WDR81: variants seen among roughly 807,000 people sequenced by gnomAD.
WDR81 encodes the protein WD repeat domain 81.
WDR81 carries 92 observed loss-of-function variants against 140.8 expected under a neutral mutation model. The observed-to-expected ratio is 0.65, with a 90% CI of 0.55 to 0.78. The LOEUF (loss-of-function observed/expected upper bound fraction) is 0.78. Among genes scored for constraint, WDR81 ranks in the 30% least tolerant of loss-of-function variants. The pLI is 0.00. For missense variants in WDR81, 2,502 were observed against 2,636.4 expected, an observed-to-expected ratio of 0.95 and a Z score of 1.12; for synonymous variants, 1,183 against 1,156.4, an observed-to-expected ratio of 1.02 and a Z score of -0.47.
chr17:1,737,313 G>A (rs1904954889), intron 9 of WDR81, 52 bp from the exon 10 acceptor site: 1 of 1,528,678 alleles, frequency 6.5e-7, no homozygotes, highest in African/African-American at 1.4e-5. Flanking sequence ...TGGGGCCCAA[G>A]GGTATGCAGA....
At chr17:1,731,008 C>T (rs1904313887) in intron 3 of WDR81, 60 bp from the exon 4 acceptor site, 1 of 1,604,102 alleles carries the variant, frequency 6.2e-7, no homozygotes, top group Non-Finnish European at 8.5e-7. Flanking sequence ...CCGGCCCGGG[C>T]TCTCTTGGTG....
chr17:1,737,531 T>C lies in WDR81; in HGVS notation c.5672T>C (p.Ile1891Thr). ...GTCACTGGCACCGTGTCCAACAAGATTGGCGTCTGCTCCCTGCTTGAGCCA... is the reference window on the plus strand; with the variant it reads ...GTCACTGGCACCGTGTCCAACAAGACTGGCGTCTGCTCCCTGCTTGAGCCA... The part of the protein sequence containing the change: ...EVVTGTVSNK[I>T]GVCSLLEPPS... Residue 1891 changes from isoleucine to threonine, a missense_variant, in exon 10 of 10, where the codon ATT (isoleucine) becomes ACT (threonine). Ile to Thr is a moderately conservative substitution (Grantham distance 89). Transcript: ENST00000409644. 2 of 1,613,098 alleles carry C rather than the reference T, an allele frequency of 1.2e-6. No individual in the cohort carries two copies. Among genetic ancestry groups the C allele is most frequent in the Non-Finnish European group, 1.7e-6 (2 of 1,179,992 alleles).
chr17:1,727,320 G>A lies in WDR81; in HGVS notation c.2361G>A (p.Val787=), dbSNP rs1204534211. 6 of 1,549,838 alleles carry A rather than the reference G, an allele frequency of 3.9e-6. No homozygotes were observed. The highest frequency in any genetic ancestry group is 5.2e-6 in the Non-Finnish European group (6 of 1,146,998). Residue 787 remains valine (V), a synonymous_variant, in exon 1 of 10, where the codon GTG becomes GTA. Transcript: ENST00000409644. ...CAGAGATGGTGTTTGCCACCAGGGTGCGGACGCTGCAGCCCGATGCACCTT... is the reference window on the plus strand; with the variant it reads ...CAGAGATGGTGTTTGCCACCAGGGTACGGACGCTGCAGCCCGATGCACCTT... ...LLAEMVFATR[V]RTLQPDAPLW...
chr17:1,722,471 C>A (rs1270456383), upstream of WDR81, among the ~76,000 whole-genome samples: 1 of 148,280 alleles, frequency 6.7e-6, no homozygotes, highest in Non-Finnish European at 1.5e-5. Context: ...CTCAGCCTCC[C>A]AAGTAGCTGG....
At position 1,732,347 on chromosome 17, in the gene WDR81, CGGACCA is replaced by C. The variant is rs1567724761; in HGVS notation, c.4181_4186del (p.Arg1394_Ile1396delinsLeu). ...CAGGTTCCCAAGTGGGGCCCAGGCT[CGGACCA>C]TCCTGTGTGTGAAAACCATCAGCCT... On this transcript the variant is annotated inframe_deletion, in exon 5 of 10. Transcript: ENST00000409644. The C allele has an allele frequency of 6.2e-7, 1 of 1,613,344 alleles. No homozygotes were observed. The highest frequency in any genetic ancestry group is 8.5e-7 in the Non-Finnish European group (1 of 1,180,010).
upstream of WDR81, among the ~76,000 whole-genome samples, chr17:1,720,470 C>T (rs887584719): frequency 6.6e-6 from 1 of 152,316 alleles, no homozygotes; most frequent in Admixed American, 6.5e-5. Context: ...ACTCCAGACT[C>T]CTGAATTAGA....
At position 1,737,465 on chromosome 17, in the gene WDR81, C is replaced by T. The variant is rs774211539; in HGVS notation, c.5606C>T (p.Ser1869Phe). 1.2e-6 allele frequency: 2 copies of T among 1,613,034 alleles called. No individual in the cohort carries two copies. Among genetic ancestry groups the T allele is most frequent in the Non-Finnish European group, 1.7e-6 (2 of 1,180,000 alleles). Residue 1869 changes from serine to phenylalanine, a missense_variant, in exon 10 of 10, where the codon TCC (serine) becomes TTC (phenylalanine). Physicochemically the swap from Ser to Phe is radical, Grantham distance 155. This residue lies in a region of WDR81 where 1,737 missense variants were observed against 1,843.0 expected (regional missense o/e 0.94). Coordinates refer to ENST00000409644, the MANE Select transcript of WDR81 (RefSeq NM_001163809.2). ...QKPTHHYKSA[S>F]DPIHTFDLYG... ...CCCACCCATCACTACAAGTCAGCATCCGACCCCATCCACACCTTTGACCTG... is the reference window on the plus strand; with the variant it reads ...CCCACCCATCACTACAAGTCAGCATTCGACCCCATCCACACCTTTGACCTG...
Position 1,727,195 on chromosome 17 carries a change from G to A in WDR81, c.2236G>A (p.Gly746Arg). The A allele has an allele frequency of 6.5e-7, 1 of 1,549,794 alleles. No homozygotes were observed. Among genetic ancestry groups the A allele is most frequent in the South Asian group, 1.2e-5 (1 of 84,048 alleles). The change falls in exon 1 of 10, where the codon GGG becomes AGG. Residue 746 changes from glycine to arginine, a missense_variant. Physicochemically the swap from Gly to Arg is moderately radical, Grantham distance 125. Around this residue, in one of 3 missense-constraint regions of WDR81, gnomAD observed 1,737 missense variants for 1,843.0 expected, o/e 0.94. Coordinates refer to ENST00000409644, the MANE Select transcript of WDR81 (RefSeq NM_001163809.2). ...GGGCAACTTCTTGGCCAAAGGCCTA[G>A]GGGGCCTGTTGGAGGTGCCTGAGCA... ...KTGNFLAKGL[G>R]GLLEVPEQPR...
In WDR81 at chr17:1,735,784, C is replaced by T. The variant is rs1337473303; in HGVS notation, c.5325+67C>T. On this transcript the variant is annotated intron_variant, in intron 8 of 9. Transcript: ENST00000409644. This position sits in a 1 kb window ranked among gnomAD's most constrained non-coding sequence, Gnocchi z 4.2. The stretch of plus-strand genomic sequence containing the variant: ...GGGGACCTGGCAAGGAGGAGAGACT[C>T]CCCAAAAACAGAAAGCCAGGATGTT... The T allele has an allele frequency of 6.5e-7, 1 of 1,534,024 alleles. No homozygotes were observed. Among genetic ancestry groups the T allele is most frequent in the Non-Finnish European group, 8.8e-7 (1 of 1,140,312 alleles).
At position 1,726,605 on chromosome 17, in the gene WDR81, T is replaced by G. The variant is rs773102427; in HGVS notation, c.1646T>G (p.Phe549Cys). ...RDLHHWIDLT[F>C]GYKLQGKEAV... ...CTGCACCATTGGATCGACCTCACGTTTGGCTATAAACTCCAGGGTAAGGAG... is the reference window on the plus strand; with the variant it reads ...CTGCACCATTGGATCGACCTCACGTGTGGCTATAAACTCCAGGGTAAGGAG... The change falls in exon 1 of 10, where the codon TTT becomes TGT. Residue 549 changes from phenylalanine to cysteine, a missense_variant. By Grantham distance (205) the Phe-to-Cys change is radical. Coordinates refer to ENST00000409644, the MANE Select transcript of WDR81 (RefSeq NM_001163809.2). 1.9e-6 allele frequency: 3 copies of G among 1,550,114 alleles called. No individual in the cohort carries two copies. In the East Asian group the frequency reaches 7.3e-5, roughly 38 times the overall value.
chr17:1,737,589 G>A lies in WDR81; in HGVS notation c.5730G>A (p.Glu1910=), dbSNP rs1567730600. The change falls in exon 10 of 10, where the codon GAG becomes GAA. Residue 1910 remains glutamate (E), a synonymous_variant. Coordinates refer to ENST00000409644, the MANE Select transcript of WDR81 (RefSeq NM_001163809.2). ...AGGCCACCACGAAGCTCAGCTCTGA[G>A]AACTTCCGCGGCACGCTCACCAGCC... is the stretch of plus-strand genomic sequence containing the variant. The part of the protein sequence containing the change: ...PSQATTKLSS[E]NFRGTLTSLA... 1.2e-6 allele frequency: 2 copies of A among 1,612,802 alleles called. No homozygotes were observed. The highest frequency in any genetic ancestry group is 3.3e-5 in the Admixed American group (2 of 60,016).
upstream of WDR81, chr17:1,724,568 C>T (rs552651210): frequency 3.4e-5 from 33 of 981,560 alleles, no homozygotes; most frequent in East Asian, 3.1e-3. Context: ...CGGGAGGAAG[C>T]GGAGCCCAGA....
intron 7 of WDR81, among the ~76,000 whole-genome samples, chr17:1,734,499 A>G (rs561453262): frequency 6.6e-6 from 1 of 152,312 alleles, no homozygotes; most frequent in South Asian, 2.1e-4. Flanking sequence ...GATAACACAC[A>G]GCCGGGCGCA....
intron 1 of WDR81, among the ~76,000 whole-genome samples, chr17:1,718,239 T>G (rs1914692556): frequency 6.6e-6 from 1 of 152,054 alleles, no homozygotes; most frequent in Admixed American, 6.6e-5. Context: ...TCCTTCAGCC[T>G]CCTGAGTAGC....
At position 1,730,488 on chromosome 17, in the gene WDR81, G is replaced by T. The variant is rs1201379653; in HGVS notation, c.3775+1G>T. On this transcript the variant is annotated splice_donor_variant, in intron 2 of 9. Transcript: ENST00000409644. LOFTEE classifies it high-confidence loss of function. ...CGCCTGCTGACGTCTTGTTATGTTG[G>T]TAAGGAGGCCTGCGGTCAGTGCTGG... 1 of 1,612,484 alleles carries T rather than the reference G, an allele frequency of 6.2e-7. No individual in the cohort carries two copies. The highest frequency in any genetic ancestry group is 1.3e-5 in the African/African-American group (1 of 75,050).
At position 1,727,705 on chromosome 17, in the gene WDR81, A is replaced by G. The variant is rs1219750542; in HGVS notation, c.2746A>G (p.Ile916Val). The G allele has an allele frequency of 3.5e-5, 55 of 1,550,398 alleles. No homozygotes were observed. The highest frequency in any genetic ancestry group is 4.7e-5 in the Non-Finnish European group (54 of 1,146,992). ...WQQLGAVLKD[I>V]TPEGLEILLP... ...GCAGCTGGGCGCGGTGCTGAAGGACATCACCCCTGAGGGCCTGGAGATCCT... is the reference window on the plus strand; with the variant it reads ...GCAGCTGGGCGCGGTGCTGAAGGACGTCACCCCTGAGGGCCTGGAGATCCT... Residue 916 changes from isoleucine (I) to valine (V), a missense_variant, in exon 1 of 10, where the codon ATC becomes GTC. Around this residue, in one of 3 missense-constraint regions of WDR81, gnomAD observed 1,737 missense variants for 1,843.0 expected, o/e 0.94. Transcript: ENST00000409644.
Position 1,730,974 on chromosome 17 carries a change from C to T in WDR81, c.3966+29C>T, listed in dbSNP as rs949519643. The T allele has an allele frequency of 5.0e-6, 8 of 1,609,048 alleles. No individual in the cohort carries two copies. The African/African-American group carries it at 6.7e-5, about 13-fold the overall frequency. The stretch of plus-strand genomic sequence containing the variant: ...AGTCGCTGGTTTGGCAGGCCCGGGG[C>T]TGGGAAGGCTGAGGACCTGAGGGCC... On this transcript the variant is annotated intron_variant, in intron 3 of 9. Transcript: ENST00000409644.
chr17:1,726,539 C>T lies in WDR81; in HGVS notation c.1580C>T (p.Ala527Val). 6.5e-7 allele frequency: 1 copy of T among 1,550,358 alleles called. No individual in the cohort carries two copies. Among genetic ancestry groups the T allele is most frequent in the Non-Finnish European group, 8.7e-7 (1 of 1,146,990 alleles). Reference protein sequence around the residue: ...WCSSSQEFVAAHRALLESREV... With the variant: ...WCSSSQEFVAVHRALLESREV... ...AGCTCCAGCCAGGAGTTCGTAGCTGCCCACCGAGCCCTGCTGGAGAGCCGC... is the reference window on the plus strand; with the variant it reads ...AGCTCCAGCCAGGAGTTCGTAGCTGTCCACCGAGCCCTGCTGGAGAGCCGC... The change falls in exon 1 of 10, where the codon GCC becomes GTC. Residue 527 changes from alanine to valine, a missense_variant. Ala to Val is a moderately conservative substitution (Grantham distance 64). Around this residue, in one of 3 missense-constraint regions of WDR81, gnomAD observed 218 missense variants for 279.6 expected, o/e 0.78. Coordinates refer to ENST00000409644, the MANE Select transcript of WDR81 (RefSeq NM_001163809.2).
In WDR81 at chr17:1,738,162, G is replaced by A. The variant is rs1416472734; in HGVS notation, c.*477G>A. 4 of 174,680 alleles carry A rather than the reference G, an allele frequency of 2.3e-5. No homozygotes were observed. The highest frequency in any genetic ancestry group is 9.5e-5 in the African/African-American group (4 of 42,024). 10.8% of individuals were successfully genotyped at this position (174,680 alleles called of 1,614,324 possible). A position where few individuals can be genotyped will look rare whatever the true frequency, so the allele number is the denominator to read the frequency against. ...CTTGGATTCCAGCCTAAGGAAGGCT[G>A]GCCGTGGTCCAGGAGTTAAGGGCTT... On this transcript the variant is annotated 3_prime_UTR_variant, in exon 10 of 10. Transcript: ENST00000409644.
Sources: gnomAD v4.1 joint callset for allele counts (sites outside exome capture counted in the v4.1 genomes callset) on GRCh38, gnomAD v4.1.1 for gene constraint, gnomAD v4.1.1 regional missense constraint, Gnocchi (gnomAD v3.1) non-coding constraint, MANE v1.5 for transcripts, NCBI Gene and HGNC (gene_info 2026-07-23, HGNC 2026-07-21) for gene names.